Variants in REEP3 observed in about 807,000 individuals in gnomAD.
REEP3 encodes the protein receptor accessory protein 3, also known as receptor expression-enhancing protein 3.
In REEP3, 20 loss-of-function variants were observed where a neutral mutation model predicts 41.3. That is an observed-to-expected ratio of 0.48 (90% confidence interval 0.34 to 0.70). The LOEUF is 0.70. REEP3 is among the 30% of genes least tolerant of loss of function. The pLI is 0.01. For missense variants in REEP3, 271 were observed against 308.8 expected (o/e 0.88, Z 0.92); for synonymous variants, 104 against 101.8 (o/e 1.02, Z -0.13).
chr10:63,541,956 T>C (rs966691169), intron 1 of REEP3, among the ~76,000 whole-genome samples: 2 of 152,220 alleles, frequency 1.3e-5, no homozygotes, highest in Non-Finnish European at 2.9e-5. Context: ...CTAATATTTC[T>C]ATGTCATATT....
At chr10:63,529,312 A>G (rs1231524754) in intron 1 of REEP3, among the ~76,000 whole-genome samples, 1 of 152,242 alleles carries the variant, frequency 6.6e-6, no homozygotes, top group Admixed American at 6.5e-5. Context: ...TTGTACTGTT[A>G]CTAAAAACAA....
intron 2 of REEP3, among the ~76,000 whole-genome samples, chr10:63,568,488 C>T (rs190873688): frequency 1.0e-3 from 152 of 151,930 alleles, no homozygotes; most frequent in African/African-American, 3.3e-3. Context: ...AGGACGGTCT[C>T]GATCTCCCAA....
intron 2 of REEP3, among the ~76,000 whole-genome samples, chr10:63,567,004 TCTC>T (rs1458190540): frequency 1.3e-5 from 2 of 152,192 alleles, no homozygotes; most frequent in Non-Finnish European, 2.9e-5. Context: ...TTTCTGAAGT[TCTC>T]CTCATTTCTC....
intron 2 of REEP3, among the ~76,000 whole-genome samples, chr10:63,583,206 T>C (rs931622703): frequency 4.6e-5 from 7 of 152,156 alleles, no homozygotes; most frequent in African/African-American, 1.7e-4. Flanking sequence ...TTAGCCAGGA[T>C]GGTGTTGATC....
At chr10:63,543,305 T>G (rs1955546572) in intron 1 of REEP3, among the ~76,000 whole-genome samples, 1 of 152,208 alleles carries the variant, frequency 6.6e-6, no homozygotes, top group South Asian at 2.1e-4. Context: ...AATTATTTAT[T>G]TATTTTCTGA....
chr10:63,557,717 A>AT (rs935974820), intron 1 of REEP3, among the ~76,000 whole-genome samples: 2 of 152,092 alleles, frequency 1.3e-5, no homozygotes, highest in African/African-American at 2.4e-5. Flanking sequence ...TGATTTGAGA[A>AT]TTTTTTTTCC....
chr10:63,556,614 GTT>G (rs77925970), intron 1 of REEP3, among the ~76,000 whole-genome samples: 6 of 12,866 alleles, frequency 4.7e-4, no homozygotes, highest in Non-Finnish European at 1.2e-3. Context: ...CTGTTTGCTT[GTT>G]TTTTTTTTTG....
intron 1 of REEP3, among the ~76,000 whole-genome samples, chr10:63,527,541 C>T (rs973489350): frequency 2.0e-5 from 3 of 151,828 alleles, no homozygotes; most frequent in South Asian, 2.1e-4. Flanking sequence ...ATTAGCTGGG[C>T]GTGGTGGTAC....
At chr10:63,619,220 C>T (rs776817842) in intron 6 of REEP3, among the ~76,000 whole-genome samples, 3 of 152,132 alleles carry the variant, frequency 2.0e-5, no homozygotes, top group South Asian at 2.1e-4. Context: ...ACACATAGAA[C>T]GGAAAAGCCT....
chr10:63,616,336 G>A lies in REEP3; in HGVS notation c.566-3319G>A, dbSNP rs185993150. Among the ~76,000 whole-genome samples, 15 of 152,226 alleles carry A rather than the reference G, an allele frequency of 9.9e-5. No individual in the cohort carries two copies. The East Asian group carries it at 2.7e-3, about 27-fold the overall frequency. On this transcript the variant is annotated intron_variant, in intron 6 of 7. Transcript: ENST00000373758. ...TCATTAGCTTATAGTATTTATTACA[G>A]TATCATAATGCCCATTACCGTCTGT...
intron 1 of REEP3, among the ~76,000 whole-genome samples, chr10:63,538,462 G>A (rs754149695): frequency 1.2e-4 from 19 of 152,132 alleles, no homozygotes; most frequent in Non-Finnish European, 2.1e-4. Flanking sequence ...GGCCGGGTGC[G>A]GTGGCTCACA....
At chr10:63,552,636 TGATA>T (rs1955640252) in intron 1 of REEP3, among the ~76,000 whole-genome samples, 1 of 152,206 alleles carries the variant, frequency 6.6e-6, no homozygotes, top group Admixed American at 6.5e-5. Flanking sequence ...TCTTTTCAGT[TGATA>T]GATGGACTGC....
At chr10:63,585,126 A>G (rs1274073257) in intron 2 of REEP3, among the ~76,000 whole-genome samples, 1 of 152,208 alleles carries the variant, frequency 6.6e-6, no homozygotes, top group African/African-American at 2.4e-5. Flanking sequence ...GTTCAGAGTT[A>G]CTTGTTGGGA....
At chr10:63,526,800 T>A (rs1235063739) in intron 1 of REEP3, among the ~76,000 whole-genome samples, 1 of 152,182 alleles carries the variant, frequency 6.6e-6, no homozygotes, top group Non-Finnish European at 1.5e-5. Flanking sequence ...TTATGTGATA[T>A]TTCATGCAAA....
chr10:63,581,296 A>G (rs1454559185), intron 2 of REEP3, among the ~76,000 whole-genome samples: 1 of 152,216 alleles, frequency 6.6e-6, no homozygotes, highest in East Asian at 1.9e-4. Flanking sequence ...TGAAGATTGT[A>G]GCTAAATACA....
intron 2 of REEP3, among the ~76,000 whole-genome samples, chr10:63,567,072 A>G (rs1589869758): frequency 6.6e-6 from 1 of 152,176 alleles, no homozygotes; most frequent in East Asian, 1.9e-4. Context: ...AAATCCTGAT[A>G]TAGTTTAGTA....
intron 1 of REEP3, among the ~76,000 whole-genome samples, chr10:63,535,132 C>G (rs996541505): frequency 5.9e-5 from 9 of 151,676 alleles, no homozygotes; most frequent in Non-Finnish European, 8.8e-5. Context: ...TGTTTCAAAA[C>G]TAACAGAAGA....
intron 2 of REEP3, among the ~76,000 whole-genome samples, chr10:63,575,646 T>A (rs1019681593): frequency 5.3e-5 from 8 of 152,218 alleles, no homozygotes; most frequent in Non-Finnish European, 7.3e-5. Context: ...CTTCTAACCC[T>A]TCAATGGATC....
At chr10:63,552,114 C>G (rs1400065838) in intron 1 of REEP3, among the ~76,000 whole-genome samples, 1 of 152,040 alleles carries the variant, frequency 6.6e-6, no homozygotes, top group Non-Finnish European at 1.5e-5. Flanking sequence ...TTAAGAAATA[C>G]AGCACTGGGG....
Sources: gnomAD v4.1 joint callset for allele counts (sites outside exome capture counted in the v4.1 genomes callset) on GRCh38, gnomAD v4.1.1 for gene constraint, MANE v1.5 for transcripts, NCBI Gene and HGNC (gene_info 2026-07-23, HGNC 2026-07-21) for gene names.